Variants in ABHD6 observed in about 807,000 individuals in gnomAD.
The protein encoded by ABHD6 is monoacylglycerol lipase ABHD6.
A neutral mutation model predicts 38.8 loss-of-function variants in ABHD6; 33 were observed. The ratio of observed to expected loss-of-function variants is 0.85; its 90% CI spans 0.64 to 1.14. ABHD6 has a LOEUF of 1.14. ABHD6 is among the 50% of genes most tolerant of loss of function. The pLI, the probability that ABHD6 is intolerant of heterozygous loss-of-function variation, is 0.00. For synonymous variants in ABHD6, 147 were observed against 161.6 expected (o/e 0.91, Z 0.69); for missense variants, 380 against 422.6 (o/e 0.90, Z 0.88).
In ABHD6 at chr3:58,270,016, A is replaced by G. The variant is rs1479677472; in HGVS notation, c.390+582A>G. Among the ~76,000 whole-genome samples, 13 of 152,340 alleles carry G rather than the reference A, an allele frequency of 8.5e-5. No homozygotes were observed. In the South Asian group the frequency reaches 1.0e-3, roughly 12 times the overall value. On this transcript the variant is annotated intron_variant, in intron 5 of 9. Transcript: ENST00000478253. Reference sequence around the variant, plus strand: ...ATTAAACTGTTTTTTAAATTCGGTCAGGAACCTTGTCTTTTTAGCTCTTTG... The same window carrying G: ...ATTAAACTGTTTTTTAAATTCGGTCGGGAACCTTGTCTTTTTAGCTCTTTG...
chr3:58,278,951 C>G (rs957797176), intron 7 of ABHD6, among the ~76,000 whole-genome samples: 1 of 151,560 alleles, frequency 6.6e-6, no homozygotes, highest in Non-Finnish European at 1.5e-5. Flanking sequence ...TTTGATCGCA[C>G]TGTGGTCTGA....
intron 4 of ABHD6, among the ~76,000 whole-genome samples, chr3:58,268,874 A>C (rs1469925538): frequency 6.6e-6 from 1 of 152,208 alleles, no homozygotes; most frequent in Admixed American, 6.5e-5. Flanking sequence ...CGGGGTGATC[A>C]GATGTGGTTC....
At chr3:58,286,699 G>GTA (rs1364925784) in intron 9 of ABHD6, among the ~76,000 whole-genome samples, 2 of 151,074 alleles carry the variant, frequency 1.3e-5, no homozygotes, top group East Asian at 3.9e-4. Flanking sequence ...CACGTATAGT[G>GTA]TATATATATG....
chr3:58,246,799 TCTAC>T (rs1045190234), intron 1 of ABHD6, among the ~76,000 whole-genome samples: 10 of 152,188 alleles, frequency 6.6e-5, no homozygotes, highest in African/African-American at 2.4e-4. Flanking sequence ...ATTCCTATCT[TCTAC>T]CTTAGAGTAC....
chr3:58,272,422 A>G (rs1165413960), intron 6 of ABHD6, among the ~76,000 whole-genome samples: 6 of 152,212 alleles, frequency 3.9e-5, no homozygotes, highest in Non-Finnish European at 8.8e-5. Flanking sequence ...CCAGCCATGA[A>G]TTGAACATTT....
At chr3:58,288,822 G>A (rs1009005293) in intron 9 of ABHD6, among the ~76,000 whole-genome samples, 1 of 152,164 alleles carries the variant, frequency 6.6e-6, no homozygotes, top group Non-Finnish European at 1.5e-5. Context: ...CAGGTGCAGG[G>A]TCAGATCCTG....
rs566861277 is a variant in ABHD6, at chr3:58,283,568, G to C, written c.682-1517G>C. Reference sequence around the variant, plus strand: ...CTGGATAATGCAGGGATGGACAATGGATGGGTGGGTAGATGCAGGATAGAT... The same window carrying C: ...CTGGATAATGCAGGGATGGACAATGCATGGGTGGGTAGATGCAGGATAGAT... On this transcript the variant is annotated intron_variant, in intron 7 of 9. Transcript: ENST00000478253. Among the ~76,000 whole-genome samples the C allele has an allele frequency of 2.0e-5, 3 of 152,362 alleles. No individual in the cohort carries two copies. The South Asian group carries it at 6.2e-4, about 32-fold the overall frequency.
At chr3:58,254,544 T>C (rs997845432) in intron 2 of ABHD6, among the ~76,000 whole-genome samples, 3 of 152,136 alleles carry the variant, frequency 2.0e-5, no homozygotes, top group African/African-American at 7.2e-5. Flanking sequence ...TATTATCAAA[T>C]TGAATTAAGT....
chr3:58,259,929 G>T lies in ABHD6; in HGVS notation c.119+3224G>T, dbSNP rs980798634. ...CCCATTACGGACATTTCACGTAAAC[G>T]GGGTTATACATGTGTGACCTTTGTG... On this transcript the variant is annotated intron_variant, in intron 3 of 9. Transcript: ENST00000478253. The surrounding 1 kb of genome is among the most constrained non-coding windows in gnomAD (Gnocchi z 4.7). 6.6e-6 allele frequency among the ~76,000 whole-genome samples: 1 copy of T among 152,108 alleles called. No homozygotes were observed. Among genetic ancestry groups the T allele is most frequent in the African/African-American group, 2.4e-5 (1 of 41,400 alleles).
Position 58,273,274 on chromosome 3 carries a change from A to C in ABHD6, c.524-1384A>C, listed in dbSNP as rs1158129334. Among the ~76,000 whole-genome samples, 3 of 152,018 alleles carry C rather than the reference A, an allele frequency of 2.0e-5. No individual in the cohort carries two copies. Among genetic ancestry groups the C allele is most frequent in the Non-Finnish European group, 4.4e-5 (3 of 68,014 alleles). The stretch of plus-strand genomic sequence containing the variant: ...ATTATAAAATCTAGCTCTTTTCTAG[A>C]TTTTGCTGGGTGAGGTAGCTCACAC... On this transcript the variant is annotated intron_variant, in intron 6 of 9. Transcript: ENST00000478253. The surrounding 1 kb of genome is among the most constrained non-coding windows in gnomAD (Gnocchi z 4.8).
At position 58,293,319 on chromosome 3, in the gene ABHD6, C is replaced by T. The variant is rs945354142; in HGVS notation, c.838-270C>T. Among the ~76,000 whole-genome samples, 1 of 152,332 alleles carries T rather than the reference C, an allele frequency of 6.6e-6. No individual in the cohort carries two copies. Among genetic ancestry groups the T allele is most frequent in the East Asian group, 1.9e-4 (1 of 5,188 alleles). The stretch of plus-strand genomic sequence containing the variant: ...TGACTTCCCCACCATACCATAACCT[C>T]CTCAAGGGCAAGGAACGTTTGTTTT... On this transcript the variant is annotated intron_variant, in intron 9 of 9. Coordinates refer to ENST00000478253, the MANE Select transcript of ABHD6 (RefSeq NM_001320126.2). This position sits in a 1 kb window ranked among gnomAD's most constrained non-coding sequence, Gnocchi z 4.4.
At position 58,257,395 on chromosome 3, in the gene ABHD6, C is replaced by T. The variant is rs2097434159; in HGVS notation, c.119+690C>T. Among the ~76,000 whole-genome samples, 1 of 151,622 alleles carries T rather than the reference C, an allele frequency of 6.6e-6. No homozygotes were observed. The highest frequency in any genetic ancestry group is 6.6e-5 in the Admixed American group (1 of 15,226). On this transcript the variant is annotated intron_variant, in intron 3 of 9. Transcript: ENST00000478253. This position sits in a 1 kb window ranked among gnomAD's most constrained non-coding sequence, Gnocchi z 4.8. ...TGGTTTTTTTTTTGAAACAGTCTCC[C>T]TCTGTCACCTAGGCTGGAGTGCAGT...
In ABHD6 at chr3:58,285,050, C is replaced by G; in HGVS notation, c.682-35C>G. The G allele has an allele frequency of 1.2e-6, 2 of 1,603,104 alleles. No individual in the cohort carries two copies. The highest frequency in any genetic ancestry group is 1.7e-4 in the Middle Eastern group (1 of 6,052). ...TGAGAGGCCTGAGGAAATGAATCTTCTCTTGCTCTCTAACTTTGGGTTATT... is the reference window on the plus strand; with the variant it reads ...TGAGAGGCCTGAGGAAATGAATCTTGTCTTGCTCTCTAACTTTGGGTTATT... On this transcript the variant is annotated intron_variant, in intron 7 of 9. Transcript: ENST00000478253. This position sits in a 1 kb window ranked among gnomAD's most constrained non-coding sequence, Gnocchi z 4.9.
Position 58,293,542 on chromosome 3 carries a change from G to T in ABHD6, c.838-47G>T, listed in dbSNP as rs778797518. The stretch of plus-strand genomic sequence containing the variant: ...TTCTGTCCACAGAGTGCACACGTGG[G>T]TGTCTGAATCTTTGTGTATCATCCA... On this transcript the variant is annotated intron_variant, in intron 9 of 9. Transcript: ENST00000478253. This position sits in a 1 kb window ranked among gnomAD's most constrained non-coding sequence, Gnocchi z 4.4. The T allele has an allele frequency of 6.2e-7, 1 of 1,600,158 alleles. No homozygotes were observed. The highest frequency in any genetic ancestry group is 1.3e-5 in the African/African-American group (1 of 74,746).
chr3:58,242,195 GA>G (rs2097423319), intron 1 of ABHD6, among the ~76,000 whole-genome samples: 1 of 152,094 alleles, frequency 6.6e-6, no homozygotes, highest in African/African-American at 2.4e-5. Flanking sequence ...GGAAGGGATG[GA>G]GGGCAGGCAA....
intron 7 of ABHD6, among the ~76,000 whole-genome samples, chr3:58,275,806 C>T (rs1181359441): frequency 6.6e-6 from 1 of 152,154 alleles, no homozygotes; most frequent in African/African-American, 2.4e-5. Context: ...CCCCTACCCC[C>T]TGCCTGGTGT....
chr3:58,246,346 C>T (rs2097426376), intron 1 of ABHD6, among the ~76,000 whole-genome samples: 1 of 152,218 alleles, frequency 6.6e-6, no homozygotes, highest in Non-Finnish European at 1.5e-5. Flanking sequence ...TGACATGTTT[C>T]ATCACCTTGC....
rs953277294 is a variant in ABHD6, at chr3:58,251,508, A to G, written c.-26+1566A>G. Among the ~76,000 whole-genome samples the G allele has an allele frequency of 2.0e-5, 3 of 152,208 alleles. No individual in the cohort carries two copies. Among genetic ancestry groups the G allele is most frequent in the Non-Finnish European group, 4.4e-5 (3 of 68,044 alleles). ...AGTGACAACATTAAAGAAAATTGTGAGATGTGCCTTACTCCTAACCCCAGA... is the reference window on the plus strand; with the variant it reads ...AGTGACAACATTAAAGAAAATTGTGGGATGTGCCTTACTCCTAACCCCAGA... On this transcript the variant is annotated intron_variant, in intron 2 of 9. Coordinates refer to ENST00000478253, the MANE Select transcript of ABHD6 (RefSeq NM_001320126.2). The surrounding 1 kb of genome is among the most constrained non-coding windows in gnomAD (Gnocchi z 5.4).
rs189276823 is a variant in ABHD6, at chr3:58,273,261, A to G, written c.524-1397A>G. ...GCTACTGCCTTTCATTATAAAATCT[A>G]GCTCTTTTCTAGATTTTGCTGGGTG... On this transcript the variant is annotated intron_variant, in intron 6 of 9. Coordinates refer to ENST00000478253, the MANE Select transcript of ABHD6 (RefSeq NM_001320126.2). The surrounding 1 kb of genome is among the most constrained non-coding windows in gnomAD (Gnocchi z 4.8). Among the ~76,000 whole-genome samples the G allele has an allele frequency of 1.3e-5, 2 of 152,226 alleles. No homozygotes were observed. The highest frequency in any genetic ancestry group is 3.9e-4 in the East Asian group (2 of 5,184).
Sources: gnomAD v4.1 joint callset for allele counts (sites outside exome capture counted in the v4.1 genomes callset) on GRCh38, gnomAD v4.1.1 for gene constraint, Gnocchi (gnomAD v3.1) non-coding constraint, MANE v1.5 for transcripts, NCBI Gene and HGNC (gene_info 2026-07-23, HGNC 2026-07-21) for gene names.